Variants in NRP1 observed in about 807,000 individuals in gnomAD.
NRP1 encodes neuropilin 1.
A neutral mutation model predicts 106.7 loss-of-function variants in NRP1; 35 were observed. That is an observed-to-expected ratio of 0.33 (90% CI 0.25 to 0.43). NRP1 has a LOEUF of 0.43. Ranked by LOEUF, NRP1 falls within the 20% of genes least tolerant of loss-of-function variation. The pLI is 1.00. For missense variants in NRP1, 1,024 were observed against 1,170.4 expected, an observed-to-expected ratio of 0.87 and a Z score of 1.83; for synonymous variants, 437 against 417.9, an observed-to-expected ratio of 1.05 and a Z score of -0.56.
intron 2 of NRP1, among the ~76,000 whole-genome samples, chr10:33,282,229 T>C (rs867681710): frequency 1.1e-4 from 16 of 152,174 alleles, no homozygotes; most frequent in African/African-American, 3.9e-4. Flanking sequence ...CGTGCAGCAC[T>C]GAATTTGCTC....
At chr10:33,197,576 T>G in intron 12 of NRP1, 74 bp downstream of exon 12, 5 of 1,196,422 alleles carry the variant, frequency 4.2e-6, no homozygotes, top group Non-Finnish European at 6.0e-6. Flanking sequence ...TCAGAGAAAC[T>G]GAAAGCGAGG....
intron 7 of NRP1, among the ~76,000 whole-genome samples, chr10:33,222,311 G>A (rs1249301540): frequency 6.6e-6 from 1 of 152,134 alleles, no homozygotes; most frequent in Non-Finnish European, 1.5e-5. Flanking sequence ...TGCAGCTACA[G>A]TACTAGGTCA....
intron 11 of NRP1, chr10:33,201,017 C>G (rs549362018): frequency 6.6e-6 from 1 of 152,068 alleles, no homozygotes; most frequent in Non-Finnish European, 1.5e-5. Flanking sequence ...GGGAATAACT[C>G]TTTTTTTCAC....
At position 33,328,485 on chromosome 10, in the gene NRP1, C is replaced by T. The variant is rs76385288; in HGVS notation, c.248+2223G>A. On this transcript the variant is annotated intron_variant, in intron 2 of 16. Transcript: ENST00000374867. ...TACACCAACTCAACAGGTTGTTGAG[C>T]GCTTTCTACAGGTAGGAAGATTTTT... is the stretch of plus-strand genomic sequence containing the variant. Among the ~76,000 whole-genome samples the T allele has an allele frequency of 5.9e-3, 900 of 152,234 alleles. 9 individuals are homozygous for T. The highest frequency in any genetic ancestry group is 0.02 in the African/African-American group (851 of 41,550).
chr10:33,317,718 T>C (rs1257163276), intron 2 of NRP1, among the ~76,000 whole-genome samples: 1 of 152,268 alleles, frequency 6.6e-6, no homozygotes, highest in African/African-American at 2.4e-5. Context: ...AAGTCATTGA[T>C]GCTATTATCA....
chr10:33,319,296 G>A (rs955950568), intron 2 of NRP1, among the ~76,000 whole-genome samples: 5 of 151,846 alleles, frequency 3.3e-5, no homozygotes, highest in Admixed American at 6.6e-5. Context: ...GTGAGTCACC[G>A]CGCCCAGAGG....
At chr10:33,289,861 C>CTT (rs1844860672) in intron 2 of NRP1, among the ~76,000 whole-genome samples, 1 of 152,160 alleles carries the variant, frequency 6.6e-6, no homozygotes, top group Non-Finnish European at 1.5e-5. Flanking sequence ...AATAAAAATC[C>CTT]GCTACCTTTT....
chr10:33,318,311 A>G (rs1166798368), intron 2 of NRP1, among the ~76,000 whole-genome samples: 2 of 152,204 alleles, frequency 1.3e-5, no homozygotes, highest in Admixed American at 6.5e-5. Context: ...CCCAGCCCAT[A>G]TGACCCATCT....
At position 33,179,923 on chromosome 10, in the gene NRP1, T is replaced by C. The variant is rs1835572983; in HGVS notation, c.*153A>G. The C allele has an allele frequency of 1.4e-6, 1 of 737,442 alleles. No individual in the cohort carries two copies. Among genetic ancestry groups the C allele is most frequent in the Admixed American group, 2.3e-5 (1 of 42,972 alleles). The allele number at this position is 737,442 out of a possible 1,614,324, so 45.7% of individuals were successfully genotyped here. A position where few individuals can be genotyped will look rare whatever the true frequency, so the allele number is the denominator to read the frequency against. ...GTGAACACAGCTCCTTGTCCATGTC[T>C]GTCGGCCATACTCATTGAAGCTCCT... On this transcript the variant is annotated 3_prime_UTR_variant, in exon 17 of 17. Coordinates refer to ENST00000374867, the MANE Select transcript of NRP1 (RefSeq NM_003873.7).
Position 33,202,980 on chromosome 10 carries a change from G to C in NRP1, c.1775C>G (p.Pro592Arg). Residue 592 changes from proline (P) to arginine (R), a missense_variant, in exon 11 of 17, where the codon CCG becomes CGG. Physicochemically the swap from Pro to Arg is moderately radical, Grantham distance 103. This residue lies in a region of NRP1 where 562 missense variants were observed against 620.3 expected (regional missense o/e 0.91). Transcript: ENST00000374867. The stretch of plus-strand genomic sequence containing the variant: ...CACCAAGTTCCCGTTGGGAGTGGTC[G>C]GTCCAGCTGTAGGGGCTGAAACAAG... ...GCEVEAPTAG[P>R]TTPNGNLVDE... 6.2e-7 allele frequency: 1 copy of C among 1,613,468 alleles called. No homozygotes were observed. Among genetic ancestry groups the C allele is most frequent in the Non-Finnish European group, 8.5e-7 (1 of 1,179,626 alleles).
At chr10:33,221,562 A>G (rs776693279) in intron 8 of NRP1, among the ~76,000 whole-genome samples, 157 bp downstream of exon 8, 2 of 152,222 alleles carry the variant, frequency 1.3e-5, no homozygotes, top group Non-Finnish European at 2.9e-5. Context: ...CAGGATTTGA[A>G]CTCGGATTTG....
At chr10:33,196,035 A>T (rs1033240916) in intron 12 of NRP1, among the ~76,000 whole-genome samples, 2 of 152,106 alleles carry the variant, frequency 1.3e-5, no homozygotes, top group Non-Finnish European at 2.9e-5. Context: ...TGACCTTGAG[A>T]TTGTGCACAA....
chr10:33,246,847 A>G (rs1240337614), intron 6 of NRP1, among the ~76,000 whole-genome samples: 2 of 152,202 alleles, frequency 1.3e-5, no homozygotes, highest in Admixed American at 1.3e-4. Context: ...AGTGTTTACA[A>G]TCAGGATAAC....
chr10:33,239,368 T>C (rs1840833074), intron 6 of NRP1, among the ~76,000 whole-genome samples: 2 of 152,162 alleles, frequency 1.3e-5, no homozygotes, highest in Non-Finnish European at 2.9e-5. Flanking sequence ...AGATGCTCAA[T>C]AAATGTTTGT....
At chr10:33,285,775 G>A (rs539827594) in intron 2 of NRP1, among the ~76,000 whole-genome samples, 28 of 152,248 alleles carry the variant, frequency 1.8e-4, no homozygotes, top group Admixed American at 1.7e-3. Context: ...TGAGGCTGCA[G>A]GGAGCCAAGA....
chr10:33,225,801 A>G (rs576062052), intron 7 of NRP1, among the ~76,000 whole-genome samples: 3 of 152,372 alleles, frequency 2.0e-5, no homozygotes, highest in African/African-American at 7.2e-5. Context: ...GGGGGGAAAA[A>G]CAACAAAACC....
At chr10:33,313,703 T>C (rs1030545869) in intron 2 of NRP1, among the ~76,000 whole-genome samples, 5 of 152,122 alleles carry the variant, frequency 3.3e-5, no homozygotes, top group Non-Finnish European at 7.4e-5. Context: ...CTCAAGTGAT[T>C]CCTAGAACTC....
At chr10:33,296,814 A>G (rs1845419504) in intron 2 of NRP1, among the ~76,000 whole-genome samples, 1 of 152,088 alleles carries the variant, frequency 6.6e-6, no homozygotes, top group African/African-American at 2.4e-5. Flanking sequence ...GGATCATCTG[A>G]GGCCAGGAGT....
At chr10:33,210,211 A>G (rs528614877) in intron 9 of NRP1, among the ~76,000 whole-genome samples, 2 of 151,620 alleles carry the variant, frequency 1.3e-5, no homozygotes, top group South Asian at 2.1e-4. Context: ...TTTTATCAAG[A>G]GTAAATTCAC....
Sources: gnomAD v4.1 joint callset for allele counts (sites outside exome capture counted in the v4.1 genomes callset) on GRCh38, gnomAD v4.1.1 for gene constraint, gnomAD v4.1.1 regional missense constraint, MANE v1.5 for transcripts, NCBI Gene and HGNC (gene_info 2026-07-23, HGNC 2026-07-21) for gene names.